Variants in VTI1A observed in about 807,000 individuals in gnomAD.
VTI1A encodes vesicle transport through interaction with t-SNAREs homolog 1A.
In VTI1A, 22 loss-of-function variants were observed where a neutral mutation model predicts 34.9. The observed-to-expected ratio is 0.63, with a 90% CI of 0.45 to 0.90. The LOEUF (loss-of-function observed/expected upper bound fraction) is 0.90. VTI1A is among the 40% of genes least tolerant of loss of function. The pLI is 0.00. For synonymous variants in VTI1A, 87 were observed against 97.3 expected, an observed-to-expected ratio of 0.89 and a Z score of 0.62; for missense variants, 268 against 275.6, an observed-to-expected ratio of 0.97 and a Z score of 0.20.
At chr10:112,547,672 TCA>T (rs529078077) in intron 5 of VTI1A, among the ~76,000 whole-genome samples, 2 of 152,306 alleles carry the variant, frequency 1.3e-5, no homozygotes, top group South Asian at 4.2e-4. Flanking sequence ...CATGATATGT[TCA>T]GTTTATGTAT....
chr10:112,629,249 TCC>T (rs1337444281), intron 5 of VTI1A, among the ~76,000 whole-genome samples: 1 of 152,250 alleles, frequency 6.6e-6, no homozygotes, highest in Non-Finnish European at 1.5e-5. Flanking sequence ...TGCATCACAT[TCC>T]TCCTTAGGGA....
At chr10:112,563,574 C>T (rs903735590) in intron 5 of VTI1A, among the ~76,000 whole-genome samples, 2 of 152,046 alleles carry the variant, frequency 1.3e-5, no homozygotes, top group South Asian at 2.1e-4. Flanking sequence ...ATTCGACTTG[C>T]GAGCCTAAAC....
intron 5 of VTI1A, among the ~76,000 whole-genome samples, chr10:112,561,702 A>G (rs988538323): frequency 2.6e-5 from 4 of 152,172 alleles, no homozygotes; most frequent in African/African-American, 9.7e-5. Flanking sequence ...GAAAAATTCT[A>G]GAATAATATA....
rs78848691 is a variant in VTI1A, at chr10:112,487,155, A to G, written c.264+22498A>G. 9.5e-3 allele frequency among the ~76,000 whole-genome samples: 1,447 copies of G among 152,212 alleles called. 10 individuals carry two copies. Among genetic ancestry groups the G allele is most frequent in the Middle Eastern group, 0.021 (6 of 292 alleles). On this transcript the variant is annotated intron_variant, in intron 3 of 7. Transcript: ENST00000393077. Reference sequence around the variant, plus strand: ...TGCTTTTTTTTTGAGACAGAGTCACACTGTGTCCCCCAGGCTGAAGTGAGG... The same window carrying G: ...TGCTTTTTTTTTGAGACAGAGTCACGCTGTGTCCCCCAGGCTGAAGTGAGG...
At chr10:112,614,889 A>G (rs959035223) in intron 5 of VTI1A, among the ~76,000 whole-genome samples, 1 of 152,210 alleles carries the variant, frequency 6.6e-6, no homozygotes, top group Non-Finnish European at 1.5e-5. Context: ...GAATAGGGAC[A>G]CAAAATGTGC....
intron 7 of VTI1A, 105 bp from the exon 8 acceptor site, chr10:112,815,185 C>G: frequency 3.6e-6 from 2 of 552,666 alleles, no homozygotes; most frequent in Non-Finnish European, 3.3e-6. Context: ...TCCCCACCCC[C>G]ACCTGCAAAG....
chr10:112,495,325 A>G (rs1272007766), intron 3 of VTI1A, among the ~76,000 whole-genome samples: 1 of 151,804 alleles, frequency 6.6e-6, no homozygotes, highest in African/African-American at 2.4e-5. Context: ...CCTAAATTCA[A>G]TAACTGCTAA....
intron 7 of VTI1A, among the ~76,000 whole-genome samples, chr10:112,715,306 T>C (rs538398036): frequency 6.6e-6 from 1 of 152,242 alleles, no homozygotes; most frequent in South Asian, 2.1e-4. Context: ...GAAAAAGGGA[T>C]GGGAGGAGAG....
intron 3 of VTI1A, among the ~76,000 whole-genome samples, chr10:112,475,193 A>C (rs1158458837): frequency 6.6e-6 from 1 of 152,250 alleles, no homozygotes; most frequent in Non-Finnish European, 1.5e-5. Context: ...ACTTTCTTCC[A>C]ATGTGACTAT....
At chr10:112,614,672 T>C (rs1370208742) in intron 5 of VTI1A, among the ~76,000 whole-genome samples, 2 of 152,202 alleles carry the variant, frequency 1.3e-5, no homozygotes, top group Admixed American at 6.5e-5. Flanking sequence ...CTTGAAGGAC[T>C]TGTGGAGATT....
chr10:112,850,801 C>T, the VTI1A span, among the ~76,000 whole-genome samples: 6 of 152,308 alleles, frequency 3.9e-5, no homozygotes, highest in South Asian at 8.3e-4. Context: ...GCAACACCAG[C>T]GCCTTCTTGG....
chr10:112,515,115 CCTTA>C (rs1314823431), intron 3 of VTI1A, among the ~76,000 whole-genome samples: 13 of 151,414 alleles, frequency 8.6e-5, no homozygotes, highest in African/African-American at 2.9e-4. Context: ...AGTTTTTGAC[CCTTA>C]CTTATTTTCT....
At chr10:112,470,492 A>G (rs1275159040) in intron 3 of VTI1A, among the ~76,000 whole-genome samples, 1 of 152,200 alleles carries the variant, frequency 6.6e-6, no homozygotes, top group Non-Finnish European at 1.5e-5. Context: ...GAGGAAGGCA[A>G]GCAAAGGTTG....
intron 7 of VTI1A, among the ~76,000 whole-genome samples, chr10:112,808,864 A>G (rs567451830): frequency 6.6e-6 from 1 of 152,274 alleles, no homozygotes; most frequent in African/African-American, 2.4e-5. Context: ...GTATGGTAGT[A>G]AGAATGGTCC....
In VTI1A at chr10:112,816,747, C is replaced by T. The variant is rs1853531863; in HGVS notation, c.*1364C>T. 4.4e-6 allele frequency: 1 copy of T among 226,886 alleles called. No individual in the cohort carries two copies. The highest frequency in any genetic ancestry group is 8.8e-6 in the Non-Finnish European group (1 of 114,102). The allele number at this position is 226,886 out of a possible 1,614,324, so 14.1% of individuals were successfully genotyped here. ...TGAATCCTTGAAAAGCAAACCTGTT[C>T]TCTTCATCAAAAATGCTAACCACCT... On this transcript the variant is annotated 3_prime_UTR_variant, in exon 8 of 8. Coordinates refer to ENST00000393077, the MANE Select transcript of VTI1A (RefSeq NM_145206.4).
intron 5 of VTI1A, among the ~76,000 whole-genome samples, chr10:112,597,647 A>G (rs1844710230): frequency 6.6e-6 from 1 of 150,648 alleles, no homozygotes; most frequent in African/African-American, 2.4e-5. Context: ...TGCACCTGTG[A>G]ATAGCCATTG....
intron 5 of VTI1A, among the ~76,000 whole-genome samples, chr10:112,546,151 A>G (rs1851111491): frequency 6.6e-6 from 1 of 151,560 alleles, no homozygotes; most frequent in Non-Finnish European, 1.5e-5. Flanking sequence ...GTGTGCGTAT[A>G]TATGTGTGTA....
the VTI1A span, among the ~76,000 whole-genome samples, chr10:112,845,208 G>GTC: frequency 2.8e-5 from 4 of 144,340 alleles, no homozygotes; most frequent in Non-Finnish European, 4.7e-5. Context: ...TCTGGCTGGG[G>GTC]TCTTGCCTGG....
At chr10:112,500,041 C>G (rs1849170673) in intron 3 of VTI1A, among the ~76,000 whole-genome samples, 1 of 152,180 alleles carries the variant, frequency 6.6e-6, no homozygotes, top group Non-Finnish European at 1.5e-5. Flanking sequence ...GTTTTCATGA[C>G]TTTACAGTAC....
Sources: gnomAD v4.1 joint callset for allele counts (sites outside exome capture counted in the v4.1 genomes callset) on GRCh38, gnomAD v4.1.1 for gene constraint, MANE v1.5 for transcripts, NCBI Gene and HGNC (gene_info 2026-07-23, HGNC 2026-07-21) for gene names.